The following HDHD2 variants were observed in gnomAD, a reference collection of about 807,000 sequenced individuals.
The protein encoded by HDHD2 is haloacid dehalogenase like hydrolase domain containing 2, also known as haloacid dehalogenase-like hydrolase domain-containing protein 2.
In HDHD2, 26 loss-of-function variants were observed where a neutral mutation model predicts 24.8. The observed-to-expected ratio is 1.05, with a 90% CI of 0.77 to 1.45. The LOEUF (loss-of-function observed/expected upper bound fraction) is 1.45. HDHD2 is among the 40% of genes most tolerant of loss of function. The probability of loss-of-function intolerance (pLI) is 0.00; values close to 1 mark genes in which losing one functional copy is unlikely to be tolerated. For synonymous variants in HDHD2, 128 were observed against 114.9 expected, an observed-to-expected ratio of 1.11 and a Z score of -0.73; for missense variants, 299 against 313.4, an observed-to-expected ratio of 0.95 and a Z score of 0.35.
At chr18:47,112,086 TG>T (rs1333803806) in intron 6 of HDHD2, among the ~76,000 whole-genome samples, 3 of 152,220 alleles carry the variant, frequency 2.0e-5, no homozygotes, top group Non-Finnish European at 4.4e-5. Flanking sequence ...AGGTGCCATT[TG>T]GGGGCAGCAT....
intron 1 of HDHD2, among the ~76,000 whole-genome samples, chr18:47,141,275 A>G (rs1299529678): frequency 6.6e-6 from 1 of 152,226 alleles, no homozygotes; most frequent in African/African-American, 2.4e-5. Flanking sequence ...ACAATCTTGC[A>G]CAAATCCAAT....
rs1330406278 is a variant in HDHD2, at chr18:47,107,844, C to T, written c.*838G>A. The T allele has an allele frequency of 1.3e-5, 2 of 152,576 alleles. No individual in the cohort carries two copies. The highest frequency in any genetic ancestry group is 2.4e-5 in the African/African-American group (1 of 41,432). 9.5% of individuals were successfully genotyped at this position (152,576 alleles called of 1,614,324 possible). ...TTAATAGGACCCTAGTGGACACTAACTTCAAAAATGCATGGTCTATAAGAT... is the reference window on the plus strand; with the variant it reads ...TTAATAGGACCCTAGTGGACACTAATTTCAAAAATGCATGGTCTATAAGAT... On this transcript the variant is annotated 3_prime_UTR_variant, in exon 7 of 7. Transcript: ENST00000300605.
intron 1 of HDHD2, among the ~76,000 whole-genome samples, chr18:47,148,263 T>C (rs773263435): frequency 2.0e-5 from 3 of 152,198 alleles, no homozygotes; most frequent in Admixed American, 6.5e-5. Context: ...AGTGCTGGGA[T>C]TACAGGTATG....
intron 4 of HDHD2, among the ~76,000 whole-genome samples, chr18:47,124,074 G>A (rs1256974614): frequency 6.6e-6 from 1 of 152,182 alleles, no homozygotes; most frequent in Non-Finnish European, 1.5e-5. Flanking sequence ...GGAAGAATGG[G>A]TCTTTGCAAT....
At chr18:47,143,417 G>C (rs1047974311) in intron 1 of HDHD2, among the ~76,000 whole-genome samples, 2 of 152,300 alleles carry the variant, frequency 1.3e-5, no homozygotes, top group East Asian at 1.9e-4. Context: ...AACACAGTGA[G>C]ACTATATCCC....
intron 6 of HDHD2, chr18:47,111,768 C>G: frequency 1.0e-6 from 1 of 984,426 alleles, no homozygotes; most frequent in Non-Finnish European, 1.2e-6. Context: ...AATTGTAGCT[C>G]CATCTACATT....
intron 1 of HDHD2, chr18:47,150,074 T>C (rs1440318560): frequency 6.6e-6 from 1 of 152,370 alleles, no homozygotes; most frequent in African/African-American, 2.4e-5. Context: ...GGAGGGACGC[T>C]AGCTCCAAAA....
chr18:47,134,567 C>G lies in HDHD2; in HGVS notation c.239G>C (p.Arg80Thr). 1 of 1,614,190 alleles carries G rather than the reference C, an allele frequency of 6.2e-7. No individual in the cohort carries two copies. Among genetic ancestry groups the G allele is most frequent in the East Asian group, 2.2e-5 (1 of 44,880 alleles). ...GACTTGTTTCCGCTCTAGTAAACTT[C>G]TGGCTGCAGTCAGAGATGTGAATAT... Reference protein sequence around the residue: ...DEIFTSLTAARSLLERKQVRP... With the variant: ...DEIFTSLTAATSLLERKQVRP... Residue 80 changes from arginine (R) to threonine (T), a missense_variant, in exon 3 of 7, where the codon AGA becomes ACA. Coordinates refer to ENST00000300605, the MANE Select transcript of HDHD2 (RefSeq NM_032124.5).
intron 4 of HDHD2, among the ~76,000 whole-genome samples, chr18:47,121,824 C>T (rs1370527850): frequency 6.6e-6 from 1 of 152,166 alleles, no homozygotes; most frequent in Non-Finnish European, 1.5e-5. Flanking sequence ...CTGCTTCAGC[C>T]CCCATATGGT....
At chr18:47,142,058 T>C (rs185941629) in intron 1 of HDHD2, among the ~76,000 whole-genome samples, 2 of 152,316 alleles carry the variant, frequency 1.3e-5, no homozygotes, top group South Asian at 2.1e-4. Flanking sequence ...CCTTATGCCA[T>C]GATTGTGAGG....
At chr18:47,136,525 A>C in intron 1 of HDHD2, 76 bp from the exon 2 acceptor site, 1 of 1,147,186 alleles carries the variant, frequency 8.7e-7, no homozygotes, top group Admixed American at 2.1e-5. Flanking sequence ...GTATTCAAAA[A>C]TATCACTCAT....
At chr18:47,115,459 A>T in intron 4 of HDHD2, 111 bp from the exon 5 acceptor site, 1 of 665,424 alleles carries the variant, frequency 1.5e-6, no homozygotes, top group Non-Finnish European at 2.5e-6. Context: ...AGAAACAAAT[A>T]GTTTCTTATT....
chr18:47,131,406 A>G (rs1026708191), intron 3 of HDHD2, among the ~76,000 whole-genome samples: 1 of 152,208 alleles, frequency 6.6e-6, no homozygotes, highest in African/African-American at 2.4e-5. Context: ...AGCCATGAGT[A>G]TTCTCCAGTA....
chr18:47,113,982 GC>G (rs951914943), intron 5 of HDHD2, among the ~76,000 whole-genome samples: 1 of 152,110 alleles, frequency 6.6e-6, no homozygotes, highest in Non-Finnish European at 1.5e-5. Context: ...GTAACCAACA[GC>G]CCCCCATGCA....
At chr18:47,121,721 G>A (rs2063609047) in intron 4 of HDHD2, among the ~76,000 whole-genome samples, 1 of 151,814 alleles carries the variant, frequency 6.6e-6, no homozygotes, top group African/African-American at 2.4e-5. Flanking sequence ...CCCCAACCCC[G>A]CATCTCCACT....
chr18:47,137,297 C>T, intron 1 of HDHD2: 1 of 435,406 alleles, frequency 2.3e-6, no homozygotes, highest in South Asian at 2.3e-5. Context: ...GACGAGGTGT[C>T]TAGCGAAAAG....
chr18:47,131,768 TAATAAC>T (rs140010671), intron 3 of HDHD2, among the ~76,000 whole-genome samples: 1,620 of 152,300 alleles, frequency 0.011, 10 homozygotes, highest in Middle Eastern at 0.014. Context: ...CCAGTATTAC[TAATAAC>T]AATAAGACTC....
intron 1 of HDHD2, 132 bp from the exon 2 acceptor site, chr18:47,136,581 A>G (rs1315079680): frequency 6.2e-6 from 4 of 645,384 alleles, no homozygotes; most frequent in Admixed American, 7.7e-5. Flanking sequence ...CATTTTGGAG[A>G]AAACTGGTTT....
chr18:47,132,276 ATTAT>A (rs1181407157), intron 3 of HDHD2, among the ~76,000 whole-genome samples: 8 of 152,166 alleles, frequency 5.3e-5, no homozygotes, highest in Non-Finnish European at 1.2e-4. Context: ...ACTTTTCATC[ATTAT>A]TTAATTTTCA....
Sources: allele counts gnomAD v4.1 joint callset (sites outside exome capture counted in the v4.1 genomes callset), GRCh38; gene constraint gnomAD v4.1.1; transcripts MANE v1.5; gene names NCBI Gene and HGNC (gene_info 2026-07-23, HGNC 2026-07-21).